Variants in CSMD3 observed in about 807,000 individuals in gnomAD.
CSMD3 encodes the protein CUB and Sushi multiple domains 3, also known as CUB and sushi domain-containing protein 3.
Under a neutral mutation model 435.2 loss-of-function variants are expected in CSMD3, and 177 were observed. That is an observed-to-expected ratio of 0.41 (90% CI 0.36 to 0.46). The LOEUF (loss-of-function observed/expected upper bound fraction) is 0.46, where lower values mean the gene tolerates loss of function less well. Among genes scored for constraint, CSMD3 ranks in the 20% least tolerant of loss-of-function variants. The probability of loss-of-function intolerance (pLI) is 0.34; values close to 1 mark genes in which losing one functional copy is unlikely to be tolerated. For synonymous variants in CSMD3, 1,656 were observed against 1,520.5 expected, an observed-to-expected ratio of 1.09 and a Z score of -2.07; for missense variants, 4,265 against 4,504.6, an observed-to-expected ratio of 0.95 and a Z score of 1.52.
intron 23 of CSMD3, among the ~76,000 whole-genome samples, chr8:112,586,229 T>C (rs1830717605): frequency 6.6e-6 from 1 of 151,500 alleles, no homozygotes; most frequent in East Asian, 1.9e-4. Flanking sequence ...AATAACATAA[T>C]TTTTTTTCAA....
At chr8:112,453,663 A>G (rs1040464406) in intron 32 of CSMD3, among the ~76,000 whole-genome samples, 1 of 152,226 alleles carries the variant, frequency 6.6e-6, no homozygotes, top group African/African-American at 2.4e-5. Context: ...GGAAGGGTCA[A>G]TATTGTTAAA....
chr8:113,392,124 T>C (rs1269896787), intron 1 of CSMD3, among the ~76,000 whole-genome samples: 1 of 152,080 alleles, frequency 6.6e-6, no homozygotes, highest in African/African-American at 2.4e-5. Context: ...TTATCATTAG[T>C]TTTGAGAGTA....
chr8:112,285,656 A>C (rs939904228), intron 58 of CSMD3, among the ~76,000 whole-genome samples: 1 of 152,144 alleles, frequency 6.6e-6, no homozygotes, highest in Non-Finnish European at 1.5e-5. Flanking sequence ...TAAGGTCAAT[A>C]CAATAATTTT....
chr8:113,315,180 G>A (rs1440884941), intron 1 of CSMD3, among the ~76,000 whole-genome samples: 1 of 152,072 alleles, frequency 6.6e-6, no homozygotes, highest in Non-Finnish European at 1.5e-5. Flanking sequence ...AAAGATCTTT[G>A]TATGCATTTT....
At position 112,492,496 on chromosome 8, in the gene CSMD3, A is replaced by G. The variant is rs1181850212; in HGVS notation, c.5271T>C (p.Ser1757=). ...AAAAAATATGTTCCTTACCATGACA[A>G]CTTGGCAAGGCTCTATTCCATCCAG... The part of the protein sequence containing the change: ...GRPGWNRALP[S]CHAPCGSRST... The change falls in exon 31 of 71, where the codon AGT becomes AGC. Residue 1757 remains serine (S), a synonymous_variant. Transcript: ENST00000297405. 4 of 1,613,282 alleles carry G rather than the reference A, an allele frequency of 2.5e-6. No homozygotes were observed. The highest frequency in any genetic ancestry group is 3.4e-6 in the Non-Finnish European group (4 of 1,179,226).
chr8:112,358,128 T>C (rs1826817178), intron 38 of CSMD3, among the ~76,000 whole-genome samples: 1 of 152,156 alleles, frequency 6.6e-6, no homozygotes, highest in Admixed American at 6.5e-5. Flanking sequence ...AGGAGATCAT[T>C]TTGGCACTTT....
chr8:112,779,168 T>A (rs2132234157), intron 13 of CSMD3, among the ~76,000 whole-genome samples: 1 of 140,970 alleles, frequency 7.1e-6, no homozygotes, highest in Non-Finnish European at 1.5e-5. Flanking sequence ...AAGATGTGTG[T>A]GTGTGTGTGT....
intron 3 of CSMD3, among the ~76,000 whole-genome samples, chr8:113,265,266 A>C (rs1159869222): frequency 1.3e-5 from 2 of 151,510 alleles, no homozygotes; most frequent in East Asian, 3.9e-4. Context: ...GTGAGCCAAT[A>C]AGTGAAGTGT....
At chr8:113,089,864 CA>C (rs1399357291) in intron 5 of CSMD3, among the ~76,000 whole-genome samples, 1 of 151,858 alleles carries the variant, frequency 6.6e-6, no homozygotes, top group Non-Finnish European at 1.5e-5. Context: ...GGAAAACAAA[CA>C]AAGCGAAAAA....
At chr8:113,413,791 T>C (rs1365013924) in intron 1 of CSMD3, among the ~76,000 whole-genome samples, 1 of 152,178 alleles carries the variant, frequency 6.6e-6, no homozygotes, top group East Asian at 1.9e-4. Flanking sequence ...TGATGTAACA[T>C]GTACAGGGAA....
At chr8:112,738,432 T>C (rs923561337) in intron 13 of CSMD3, among the ~76,000 whole-genome samples, 1 of 151,800 alleles carries the variant, frequency 6.6e-6, no homozygotes, top group Admixed American at 6.6e-5. Context: ...ATAATTATTA[T>C]GCAAGTAGAC....
chr8:112,942,293 G>C (rs1322745266), intron 9 of CSMD3, among the ~76,000 whole-genome samples: 1 of 149,010 alleles, frequency 6.7e-6, no homozygotes, highest in East Asian at 2.0e-4. Flanking sequence ...TTCAGCCACT[G>C]TGAAAAGCAG....
intron 1 of CSMD3, among the ~76,000 whole-genome samples, chr8:113,415,506 T>C (rs576319992): frequency 4.3e-4 from 66 of 152,160 alleles, no homozygotes; most frequent in African/African-American, 1.5e-3. Flanking sequence ...ATGAACAGAG[T>C]GTTTAATTTT....
intron 5 of CSMD3, among the ~76,000 whole-genome samples, chr8:113,081,661 C>T (rs1161736248): frequency 1.1e-4 from 17 of 152,138 alleles, no homozygotes; most frequent in Non-Finnish European, 2.9e-5. Flanking sequence ...CACCATCACA[C>T]TACATCTTGC....
chr8:113,079,615 T>G (rs954642347), intron 5 of CSMD3, among the ~76,000 whole-genome samples: 1 of 152,152 alleles, frequency 6.6e-6, no homozygotes, highest in African/African-American at 2.4e-5. Flanking sequence ...TCAGTCTTCT[T>G]GTAGAAACTT....
At chr8:112,714,400 A>C (rs761556633) in intron 13 of CSMD3, among the ~76,000 whole-genome samples, 12 of 152,200 alleles carry the variant, frequency 7.9e-5, no homozygotes, top group Non-Finnish European at 1.8e-4. Context: ...TATGTACCCA[A>C]TACAGGAGCT....
chr8:112,943,339 G>A (rs140660465), intron 9 of CSMD3, among the ~76,000 whole-genome samples: 1 of 139,584 alleles, frequency 7.2e-6, no homozygotes, highest in East Asian at 2.1e-4. Context: ...AATGAAGTAT[G>A]ACATCAATTT....
chr8:112,754,625 G>A (rs2077648487), intron 13 of CSMD3, among the ~76,000 whole-genome samples: 1 of 152,160 alleles, frequency 6.6e-6, no homozygotes, highest in Non-Finnish European at 1.5e-5. Flanking sequence ...GATGGGAAGT[G>A]ACTTTAAGCA....
Position 112,915,831 on chromosome 8 carries a change from A to T in CSMD3, c.1633+5796T>A, listed in dbSNP as rs189777759. Among the ~76,000 whole-genome samples, 804 of 152,004 alleles carry T rather than the reference A, an allele frequency of 5.3e-3. 12 individuals carry two copies. Among genetic ancestry groups the T allele is most frequent in the African/African-American group, 0.018 (752 of 41,552 alleles). ...TTAGCAAGAGTTTATTAAAATTTTT[A>T]AAAATTATTATTGCTTGTGTGTTTC... is the stretch of plus-strand genomic sequence containing the variant. On this transcript the variant is annotated intron_variant, in intron 10 of 70. Transcript: ENST00000297405.
Sources: allele counts gnomAD v4.1 joint callset (sites outside exome capture counted in the v4.1 genomes callset), GRCh38; gene constraint gnomAD v4.1.1; transcripts MANE v1.5; gene names NCBI Gene and HGNC (gene_info 2026-07-23, HGNC 2026-07-21).